RTN4RL1: variants seen among roughly 807,000 people sequenced by gnomAD.
The protein encoded by RTN4RL1 is reticulon 4 receptor like 1.
In RTN4RL1, 7 loss-of-function variants were observed where a neutral mutation model predicts 25.6. The ratio of observed to expected loss-of-function variants is 0.27; its 90% confidence interval spans 0.16 to 0.51. The LOEUF is 0.51. Among genes scored for constraint, RTN4RL1 ranks in the 20% least tolerant of loss-of-function variants. The probability of loss-of-function intolerance (pLI) is 0.97; values close to 1 mark genes in which losing one functional copy is unlikely to be tolerated. For missense variants in RTN4RL1, 500 were observed against 615.6 expected, an observed-to-expected ratio of 0.81 and a Z score of 1.99; for synonymous variants, 297 against 288.2, an observed-to-expected ratio of 1.03 and a Z score of -0.31.
Position 1,959,666 on chromosome 17 carries a change from A to G in RTN4RL1, c.14-21858T>C, listed in dbSNP as rs148032204. Among the ~76,000 whole-genome samples the G allele has an allele frequency of 5.7e-3, 866 of 152,002 alleles. 10 individuals carry two copies. Among genetic ancestry groups the G allele is most frequent in the African/African-American group, 0.02 (818 of 41,468 alleles). On this transcript the variant is annotated intron_variant, in intron 1 of 1. Coordinates refer to ENST00000331238, the MANE Select transcript of RTN4RL1 (RefSeq NM_178568.4). The stretch of plus-strand genomic sequence containing the variant: ...TGCAACCTCCACCTCCCATGTTCAA[A>G]CGATTCTCACACCTCAGCCTCCTGA...
intron 1 of RTN4RL1, among the ~76,000 whole-genome samples, chr17:2,014,514 T>C (rs1336825683): frequency 6.6e-6 from 1 of 152,130 alleles, no homozygotes; most frequent in Admixed American, 6.5e-5. Flanking sequence ...AATGAGCTGC[T>C]TGAGCAAATC....
At chr17:2,012,227 C>G (rs1033149967) in intron 1 of RTN4RL1, among the ~76,000 whole-genome samples, 1 of 152,186 alleles carries the variant, frequency 6.6e-6, no homozygotes, top group Non-Finnish European at 1.5e-5. Context: ...AAGTACAACC[C>G]TAAACTTTTC....
At chr17:1,941,642 C>A (rs922555046) in intron 1 of RTN4RL1, among the ~76,000 whole-genome samples, 1 of 152,086 alleles carries the variant, frequency 6.6e-6, no homozygotes, top group African/African-American at 2.4e-5. Context: ...TGCTCACCGA[C>A]CTTGGGTACT....
intron 1 of RTN4RL1, among the ~76,000 whole-genome samples, chr17:1,943,142 T>C (rs1915473144): frequency 6.6e-6 from 1 of 152,160 alleles, no homozygotes; most frequent in African/African-American, 2.4e-5. Flanking sequence ...GACCCAGCCC[T>C]AACTGTGTAC....
intron 1 of RTN4RL1, among the ~76,000 whole-genome samples, chr17:2,014,226 C>G (rs947594493): frequency 3.3e-5 from 5 of 152,174 alleles, no homozygotes; most frequent in African/African-American, 1.2e-4. Flanking sequence ...CTGGAGGACA[C>G]AGAGCAGCAT....
At chr17:1,986,941 T>C (rs1334841617) in intron 1 of RTN4RL1, among the ~76,000 whole-genome samples, 1 of 151,882 alleles carries the variant, frequency 6.6e-6, no homozygotes, top group Non-Finnish European at 1.5e-5. Context: ...TGAGGACATC[T>C]CTAAGCCGCA....
At chr17:1,938,363 C>T (rs980239397) in intron 1 of RTN4RL1, among the ~76,000 whole-genome samples, 1 of 151,680 alleles carries the variant, frequency 6.6e-6, no homozygotes, top group South Asian at 2.1e-4. Flanking sequence ...AGTGCAGTGG[C>T]GGGATCTGGG....
rs985717546 is a variant in RTN4RL1, at chr17:2,005,259, G to A, written c.13+19594C>T. Among the ~76,000 whole-genome samples the A allele has an allele frequency of 9.9e-5, 15 of 152,062 alleles. No homozygotes were observed. In the South Asian group the frequency reaches 1.2e-3, roughly 13 times the overall value. On this transcript the variant is annotated intron_variant, in intron 1 of 1. Transcript: ENST00000331238. ...TGGGCTCAAGTGATCCTCCTGCCTC[G>A]GCTTCCCAAAGTGCTGGGATTACAG...
intron 1 of RTN4RL1, among the ~76,000 whole-genome samples, chr17:1,997,979 T>A (rs1039246894): frequency 6.6e-6 from 1 of 152,074 alleles, no homozygotes. Flanking sequence ...GGCTCCTGGG[T>A]CTGGGGCCTG....
rs369321046 is a variant in RTN4RL1 at position 2,024,838 on chromosome 17, G to A, written c.13+15C>T. ...GCGCATTCAACTTCAACTTGCCCCT[G>A]CGGCTCCAACTCACCTTTGCGAAGC... On this transcript the variant is annotated intron_variant, in intron 1 of 1. Transcript: ENST00000331238. 3.8e-6 allele frequency: 6 copies of A among 1,574,808 alleles called. No individual in the cohort carries two copies. The highest frequency in any genetic ancestry group is 2.7e-5 in the African/African-American group (2 of 73,292).
intron 1 of RTN4RL1, among the ~76,000 whole-genome samples, chr17:1,980,757 G>A (rs577407417): frequency 5.3e-5 from 8 of 151,130 alleles, no homozygotes; most frequent in East Asian, 2.0e-4. Flanking sequence ...GAGAAACCCC[G>A]TCTCTACTAA....
At chr17:1,939,352 C>CAATA (rs56045014) in intron 1 of RTN4RL1, among the ~76,000 whole-genome samples, 45,229 of 139,730 alleles carry the variant, frequency 0.32, 7,461 homozygotes, top group Admixed American at 0.39. Flanking sequence ...AACTCCGTCT[C>CAATA]AATAAATAAA....
intron 1 of RTN4RL1, among the ~76,000 whole-genome samples, chr17:1,971,576 T>C (rs572327986): frequency 6.6e-6 from 1 of 151,976 alleles, no homozygotes; most frequent in African/African-American, 2.4e-5. Flanking sequence ...ACACCTGTAA[T>C]CCCAGCACGT....
intron 1 of RTN4RL1, among the ~76,000 whole-genome samples, chr17:1,961,329 C>T (rs1463381388): frequency 2.0e-5 from 3 of 152,124 alleles, no homozygotes; most frequent in African/African-American, 7.2e-5. Flanking sequence ...CATTGGAGGA[C>T]GACGGGGCAG....
intron 1 of RTN4RL1, among the ~76,000 whole-genome samples, chr17:2,021,838 A>G (rs1245221374): frequency 1.5e-5 from 2 of 136,526 alleles, no homozygotes; most frequent in Admixed American, 1.5e-4. Context: ...TACAGGTGTG[A>G]GCCACTGTGC....
intron 1 of RTN4RL1, among the ~76,000 whole-genome samples, chr17:1,945,915 G>T (rs1015337515): frequency 3.3e-5 from 5 of 152,202 alleles, no homozygotes; most frequent in Admixed American, 2.6e-4. Flanking sequence ...GAAGCCCTAG[G>T]CCCAGGGCCT....
chr17:1,939,669 T>G lies in RTN4RL1; in HGVS notation c.14-1861A>C, dbSNP rs547212532. ...GTTAATGGATCCTTAAAATAATTTA[T>G]TTTCCGATGTGTCCAGCCTGTGGTC... On this transcript the variant is annotated intron_variant, in intron 1 of 1. Transcript: ENST00000331238. Among the ~76,000 whole-genome samples, 4 of 152,350 alleles carry G rather than the reference T, an allele frequency of 2.6e-5. No homozygotes were observed. In the South Asian group the frequency reaches 8.3e-4, roughly 32 times the overall value.
chr17:2,018,986 G>C (rs1419843798), intron 1 of RTN4RL1: 1 of 152,202 alleles, frequency 6.6e-6, no homozygotes, highest in Non-Finnish European at 1.5e-5. Context: ...TGAAGCCCGA[G>C]GTGGCTGGGA....
chr17:1,981,274 G>C (rs2066866142), intron 1 of RTN4RL1, among the ~76,000 whole-genome samples: 1 of 152,116 alleles, frequency 6.6e-6, no homozygotes, highest in Non-Finnish European at 1.5e-5. Flanking sequence ...TCAGCTACCT[G>C]GGAGGCTGAG....
Sources: gnomAD v4.1 joint callset for allele counts (sites outside exome capture counted in the v4.1 genomes callset) on GRCh38, gnomAD v4.1.1 for gene constraint, MANE v1.5 for transcripts, NCBI Gene and HGNC (gene_info 2026-07-23, HGNC 2026-07-21) for gene names.